The following FGD2 variants were observed in gnomAD, a reference collection of about 807,000 sequenced individuals.
FGD2 encodes the protein FYVE, RhoGEF and PH domain containing 2.
A neutral mutation model predicts 75.9 loss-of-function variants in FGD2; 52 were observed. The ratio of observed to expected loss-of-function variants is 0.69; its 90% CI spans 0.55 to 0.86. The LOEUF is 0.86. Ranked by LOEUF, FGD2 falls within the 40% of genes least tolerant of loss-of-function variation. FGD2 has a pLI of 0.00. For missense variants in FGD2, 790 were observed against 872.0 expected (o/e 0.91, Z 1.18); for synonymous variants, 347 against 348.6 (o/e 1.00, Z 0.05).
rs371462881 is a variant in FGD2 at position 37,013,759 on chromosome 6, C to T, written c.678C>T (p.Arg226=). The T allele has an allele frequency of 3.7e-6, 6 of 1,613,816 alleles. No homozygotes were observed. The highest frequency in any genetic ancestry group is 5.1e-6 in the Non-Finnish European group (6 of 1,179,902). Residue 226 remains arginine, a synonymous_variant, in exon 5 of 16, where the codon CGC becomes CGT. Coordinates refer to ENST00000274963, the MANE Select transcript of FGD2 (RefSeq NM_173558.4). Reference sequence around the variant, plus strand: ...CACTCTTCCAGGAGGTTCTCACTCGCATCCAGGTGAGGCTGGGGGAGGGCT... The same window carrying T: ...CACTCTTCCAGGAGGTTCTCACTCGTATCCAGGTGAGGCTGGGGGAGGGCT... ...KSPLFQEVLT[R]IQSSEASGSL...
rs1410071680 is a variant in FGD2, at chr6:37,028,287, A to G, written c.*124A>G. On this transcript the variant is annotated 3_prime_UTR_variant, in exon 16 of 16. Coordinates refer to ENST00000274963, the MANE Select transcript of FGD2 (RefSeq NM_173558.4). ...GTGCTTTCAGAGAATTGATTCAGCC[A>G]TCTGCGCCCAGGCCACGTGTCCCGA... The G allele has an allele frequency of 2.1e-6, 2 of 971,186 alleles. No individual in the cohort carries two copies. The highest frequency in any genetic ancestry group is 1.6e-5 in the African/African-American group (1 of 60,954). The allele number at this position is 971,186 out of a possible 1,614,324, so 60.2% of individuals were successfully genotyped here. A position where few individuals can be genotyped will look rare whatever the true frequency, so the allele number is the denominator to read the frequency against.
At chr6:37,021,859 C>T in intron 12 of FGD2, 1 of 501,248 alleles carries the variant, frequency 2.0e-6, no homozygotes, top group Non-Finnish European at 3.5e-6. Context: ...GCTCCAGCTG[C>T]AGGGGGCAGT....
At chr6:37,007,126 A>G (rs1764791219) in intron 1 of FGD2, among the ~76,000 whole-genome samples, 1 of 152,156 alleles carries the variant, frequency 6.6e-6, no homozygotes, top group African/African-American at 2.4e-5. Context: ...TCCTACAGGA[A>G]CTGTAGAGGA....
intron 8 of FGD2, 43 bp from the exon 9 acceptor site, chr6:37,015,725 C>T (rs1765252426): frequency 6.5e-7 from 1 of 1,541,036 alleles, no homozygotes; most frequent in Non-Finnish European, 8.8e-7. Flanking sequence ...TAGCCATCCT[C>T]CCTGCCCCTG....
chr6:37,020,737 C>T lies in FGD2; in HGVS notation c.1231C>T (p.Gln411Ter), dbSNP rs746847649. 6.4e-7 allele frequency: 1 copy of T among 1,567,642 alleles called. No homozygotes were observed. Among genetic ancestry groups the T allele is most frequent in the South Asian group, 1.2e-5 (1 of 85,476 alleles). Residue 411 changes from glutamine (Q) to a stop codon, truncating the protein, a stop_gained and splice_region_variant, in exon 11 of 16, where the codon CAG becomes TAG. Coordinates refer to ENST00000274963, the MANE Select transcript of FGD2 (RefSeq NM_173558.4). LOFTEE classifies it high-confidence loss of function. ...CCAGGAGGAAATGATTTCCTGGATG[C>T]AGGTATGGGAACGCTCCGAGGCTTC... ...RSQEEMISWM[Q>*]AFQAAIDQIE...
rs1431651502 is a variant in FGD2, at chr6:37,005,811, C to A, written c.-7C>A. On this transcript the variant is annotated 5_prime_UTR_variant, in exon 1 of 16. Coordinates refer to ENST00000274963, the MANE Select transcript of FGD2 (RefSeq NM_173558.4). Reference sequence around the variant, plus strand: ...GGTAGCTGAGATCCACCCCGGAAACCGGCAGGATGAAGGGGGCAAGTGAGG... The same window carrying A: ...GGTAGCTGAGATCCACCCCGGAAACAGGCAGGATGAAGGGGGCAAGTGAGG... 1 of 1,613,594 alleles carries A rather than the reference C, an allele frequency of 6.2e-7. No individual in the cohort carries two copies. The highest frequency in any genetic ancestry group is 8.5e-7 in the Non-Finnish European group (1 of 1,179,894).
At position 37,015,815 on chromosome 6, in the gene FGD2, C is replaced by G; in HGVS notation, c.1077C>G (p.Gly359=). ...GTGTGCCCAGGGTGATCCAGGTGGG[C>G]GCCCAGTTCCAGGTGAGGACCCGCA... ...LYCVPRVIQV[G]AQFQVRTRID... Residue 359 remains glycine, a synonymous_variant, in exon 9 of 16, where the codon GGC becomes GGG. Transcript: ENST00000274963. 7 of 1,596,474 alleles carry G rather than the reference C, an allele frequency of 4.4e-6. No homozygotes were observed. The highest frequency in any genetic ancestry group is 6.0e-6 in the Non-Finnish European group (7 of 1,172,346).
chr6:37,015,089 G>A (rs756915831), intron 8 of FGD2, 51 bp downstream of exon 8: 3 of 1,582,082 alleles, frequency 1.9e-6, no homozygotes, highest in Non-Finnish European at 2.6e-6. Context: ...AAGTCCATGG[G>A]CCACTCTGGC....
rs759268527 is a variant in FGD2, at chr6:37,021,494, C to T, written c.1234-18C>T. Reference sequence around the variant, plus strand: ...TTCCACACCTCAAGCCCCGACCCTCCCCCTCCCTGCACCCCAGGCCTTCCA... The same window carrying T: ...TTCCACACCTCAAGCCCCGACCCTCTCCCTCCCTGCACCCCAGGCCTTCCA... On this transcript the variant is annotated intron_variant, in intron 11 of 15. Coordinates refer to ENST00000274963, the MANE Select transcript of FGD2 (RefSeq NM_173558.4). The T allele has an allele frequency of 1.9e-6, 3 of 1,609,074 alleles. No individual in the cohort carries two copies. The highest frequency in any genetic ancestry group is 1.7e-6 in the Non-Finnish European group (2 of 1,176,926).
chr6:37,005,904 G>A lies in FGD2; in HGVS notation c.68+19G>A. The A allele has an allele frequency of 1.2e-6, 2 of 1,612,230 alleles. No homozygotes were observed. Among genetic ancestry groups the A allele is most frequent in the South Asian group, 1.1e-5 (1 of 90,444 alleles). On this transcript the variant is annotated intron_variant, in intron 1 of 15. Transcript: ENST00000274963. The stretch of plus-strand genomic sequence containing the variant: ...ATAGCAGGTATGGGCAGCTGGGGTG[G>A]GAGGGTCACCATGGTGGGCTGGCAG...
rs918583582 is a variant in FGD2 at position 37,011,067 on chromosome 6, C to T, written c.378+17C>T. 1.2e-6 allele frequency: 2 copies of T among 1,611,586 alleles called. No individual in the cohort carries two copies. The highest frequency in any genetic ancestry group is 1.1e-5 in the South Asian group (1 of 90,948). ...CTAGACCAGGCCAGTGACCAGGACA[C>T]CCCCCTCTAGAGCCCCAGCCCTGGG... On this transcript the variant is annotated intron_variant, in intron 3 of 15. Transcript: ENST00000274963.
At position 37,028,174 on chromosome 6, in the gene FGD2, G is replaced by T. The variant is rs758072815; in HGVS notation, c.*11G>T. The T allele has an allele frequency of 6.5e-7, 1 of 1,543,838 alleles. No individual in the cohort carries two copies. On this transcript the variant is annotated 3_prime_UTR_variant, in exon 16 of 16. Transcript: ENST00000274963. ...GACCTGTCCGACTGAGCCACTGCCA[G>T]CCGCTCTCCTGCCCACCTCTCCCCA...
At chr6:37,011,216 A>G (rs1764990226) in intron 3 of FGD2, 166 bp downstream of exon 3, 1 of 670,392 alleles carries the variant, frequency 1.5e-6, no homozygotes, top group Non-Finnish European at 2.6e-6. Context: ...GGGTAGAATC[A>G]GGAGGTCTTG....
Position 37,028,752 on chromosome 6 carries a change from G to A in FGD2, c.*589G>A, listed in dbSNP as rs1765955821. On this transcript the variant is annotated 3_prime_UTR_variant, in exon 16 of 16. Transcript: ENST00000274963. The stretch of plus-strand genomic sequence containing the variant: ...GCCTCCCAAGTAGCTGGGATTATAG[G>A]TGTGTGCCACTGTGCCAAGCTAATT... 1 of 151,404 alleles carries A rather than the reference G, an allele frequency of 6.6e-6. No individual in the cohort carries two copies. Among genetic ancestry groups the A allele is most frequent in the Non-Finnish European group, 1.5e-5 (1 of 67,926 alleles). 9.4% of individuals were successfully genotyped at this position (151,404 alleles called of 1,614,324 possible).
rs970366293 is a variant in FGD2, at chr6:37,025,879, T to C, written c.1546T>C (p.Phe516Leu). 2 of 1,614,184 alleles carry C rather than the reference T, an allele frequency of 1.2e-6. No individual in the cohort carries two copies. Among genetic ancestry groups the C allele is most frequent in the Non-Finnish European group, 8.5e-7 (1 of 1,180,024 alleles). Reference sequence around the variant, plus strand: ...CCGAGTCTGCCTCCACTGCTACGCATTCCTCACTGGAAATGTGCTGCCTGA... The same window carrying C: ...CCGAGTCTGCCTCCACTGCTACGCACTCCTCACTGGAAATGTGCTGCCTGA... ...PNRVCLHCYA[F>L]LTGNVLPEAK... The change falls in exon 14 of 16, where the codon TTC becomes CTC. Residue 516 changes from phenylalanine to leucine, a missense_variant. By Grantham distance (22) the Phe-to-Leu change is conservative (BLOSUM62 0). Transcript: ENST00000274963.
chr6:37,005,950 C>T (rs1764728237), intron 1 of FGD2, 65 bp downstream of exon 1: 1 of 1,567,866 alleles, frequency 6.4e-7, no homozygotes, highest in East Asian at 2.3e-5. Flanking sequence ...GCCTTTCTGG[C>T]AGCTCTCTCC....
chr6:37,021,064 A>C (rs907341222), intron 11 of FGD2, among the ~76,000 whole-genome samples: 9 of 149,742 alleles, frequency 6.0e-5, no homozygotes, highest in African/African-American at 2.2e-4. Flanking sequence ...GCATGTGTGC[A>C]TGTGTTTGTG....
chr6:37,014,802 A>AC, intron 7 of FGD2, 90 bp from the exon 8 acceptor site: 1 of 1,607,020 alleles, frequency 6.2e-7, no homozygotes, highest in Non-Finnish European at 8.5e-7. Context: ...CCTCACTGTT[A>AC]CCCCCCAGTC....
Position 37,014,667 on chromosome 6 carries a change from C to T in FGD2, c.845C>T (p.Ser282Leu), listed in dbSNP as rs1484477059. The part of the protein sequence containing the change: ...DAQKALDMIF[S>L]AAQHSNAAIT... ...TCAGAAGCCCTGGACATGATCTTCT[C>T]AGCTGCCCAGCACTCCAATGCAGCC... The change falls in exon 7 of 16, where the codon TCA becomes TTA. Residue 282 changes from serine (S) to leucine (L), a missense_variant. By Grantham distance (145) the Ser-to-Leu change is moderately radical (BLOSUM62 -2). Coordinates refer to ENST00000274963, the MANE Select transcript of FGD2 (RefSeq NM_173558.4). 6.2e-7 allele frequency: 1 copy of T among 1,614,084 alleles called. No homozygotes were observed. The highest frequency in any genetic ancestry group is 1.1e-5 in the South Asian group (1 of 91,088).
Sources: allele counts gnomAD v4.1 joint callset (sites outside exome capture counted in the v4.1 genomes callset), GRCh38; gene constraint gnomAD v4.1.1; transcripts MANE v1.5; gene names NCBI Gene and HGNC (gene_info 2026-07-23, HGNC 2026-07-21).